PXMP2: variants seen among roughly 807,000 people sequenced by gnomAD.
PXMP2 encodes the protein 22 kDa peroxisomal membrane protein.
Under a neutral mutation model 20.2 loss-of-function variants are expected in PXMP2, and 13 were observed. The ratio of observed to expected loss-of-function variants is 0.64; its 90% confidence interval spans 0.42 to 1.02. The LOEUF is 1.02. PXMP2 is among the 50% of genes least tolerant of loss of function. The pLI, the probability that PXMP2 is intolerant of heterozygous loss-of-function variation, is 0.00. For synonymous variants in PXMP2, 113 were observed against 111.2 expected (o/e 1.02, Z -0.10); for missense variants, 284 against 251.8 (o/e 1.13, Z -0.87).
intron 3 of PXMP2, among the ~76,000 whole-genome samples, chr12:132,699,526 CTTTTT>C (rs67730658): frequency 9.9e-6 from 1 of 100,520 alleles, no homozygotes. Context: ...AAAAGACATG[CTTTTT>C]TTTTTTTTTT....
chr12:132,690,213 A>T (rs781129879), intron 1 of PXMP2, 50 bp from the exon 2 acceptor site: 4 of 1,465,626 alleles, frequency 2.7e-6, no homozygotes, highest in Non-Finnish European at 2.9e-6. Context: ...TGGGAAAGGG[A>T]CACCCTCCTG....
intron 1 of PXMP2, 100 bp from the exon 2 acceptor site, chr12:132,690,163 T>C (rs1432356390): frequency 1.1e-6 from 1 of 874,268 alleles, no homozygotes; most frequent in Non-Finnish European, 1.9e-6. Context: ...CCCCCGCCCA[T>C]CTGCTGCATG....
rs1279924791 is a variant in PXMP2 at position 132,687,685 on chromosome 12, G to A, written c.15G>A (p.Ala5=). The change falls in exon 1 of 5, where the codon GCG becomes GCA. Residue 5 remains alanine (A), a synonymous_variant. Coordinates refer to ENST00000317479, the MANE Select transcript of PXMP2 (RefSeq NM_018663.3). ...CTGGGGAGGCGATGGCGCCGGCCGC[G>A]TCCAGGCTGCGGGCCGAAGCCGGGC... MAPA[A]SRLRAEAGLG... The A allele has an allele frequency of 1.4e-5, 17 of 1,179,944 alleles. No homozygotes were observed. Among genetic ancestry groups the A allele is most frequent in the Non-Finnish European group, 1.7e-5 (16 of 959,652 alleles). 73.1% of individuals were successfully genotyped at this position (1,179,944 alleles called of 1,614,324 possible).
chr12:132,696,019 G>T lies in PXMP2; in HGVS notation c.372G>T (p.Leu124Phe). 3.1e-6 allele frequency: 5 copies of T among 1,609,066 alleles called. No individual in the cohort carries two copies. The highest frequency in any genetic ancestry group is 4.2e-6 in the Non-Finnish European group (5 of 1,177,642). Reference protein sequence around the residue: ...RLVFAPAFLMLFFLIMNFLEG... With the variant: ...RLVFAPAFLMFFFLIMNFLEG... ...TCTTTGCACCGGCCTTCCTCATGTT[G>T]TTCTTCCTCATCATGAACTTTCTGG... The change falls in exon 3 of 5, where the codon TTG (leucine) becomes TTT (phenylalanine). Residue 124 changes from leucine to phenylalanine, a missense_variant. Coordinates refer to ENST00000317479, the MANE Select transcript of PXMP2 (RefSeq NM_018663.3). The surrounding 1 kb of genome is among the most constrained non-coding windows in gnomAD (Gnocchi z 4.4).
intron 2 of PXMP2, among the ~76,000 whole-genome samples, chr12:132,694,901 TAGTG>T (rs1322004879): frequency 2.5e-4 from 37 of 148,904 alleles, no homozygotes; most frequent in Admixed American, 5.4e-4. Flanking sequence ...GCCAGTCAGT[TAGTG>T]AGCGCCCTTG....
At chr12:132,695,804 G>A (rs2043406633) in intron 2 of PXMP2, 80 bp from the exon 3 acceptor site, 1 of 1,450,818 alleles carries the variant, frequency 6.9e-7, no homozygotes, top group South Asian at 1.4e-5. Flanking sequence ...GTTAGGACCT[G>A]GGATTTGGGG....
chr12:132,703,650 GA>G (rs1326892633), intron 4 of PXMP2, among the ~76,000 whole-genome samples: 1 of 152,200 alleles, frequency 6.6e-6, no homozygotes, highest in East Asian at 1.9e-4. Context: ...ATTTTAAGGG[GA>G]TACAGGAGGG....
rs1483316346 is a variant in PXMP2 at position 132,704,689 on chromosome 12, G to A, written c.*2G>A. On this transcript the variant is annotated 3_prime_UTR_variant, in exon 5 of 5. Transcript: ENST00000317479. ...TACCTGGCCTCCTTGGGGAAGTGACGACCGCTGGGAGAACATCAGGTGCAC... is the reference window on the plus strand; with the variant it reads ...TACCTGGCCTCCTTGGGGAAGTGACAACCGCTGGGAGAACATCAGGTGCAC... 17 of 1,566,632 alleles carry A rather than the reference G, an allele frequency of 1.1e-5. No homozygotes were observed. Among genetic ancestry groups the A allele is most frequent in the Admixed American group, 3.8e-5 (2 of 52,448 alleles).
At chr12:132,690,490 C>A in intron 2 of PXMP2, 114 bp downstream of exon 2, 2 of 780,562 alleles carry the variant, frequency 2.6e-6, no homozygotes, top group Admixed American at 2.9e-5. Context: ...TTTTAAAAAC[C>A]ATTGTAGTAA....
intron 1 of PXMP2, chr12:132,688,020 G>T (rs924625205): frequency 1.8e-5 from 5 of 282,070 alleles, no homozygotes; most frequent in Non-Finnish European, 2.3e-5. Context: ...GCGCGTGGAG[G>T]GCCCGCCCAG....
intron 4 of PXMP2, 89 bp from the exon 5 acceptor site, chr12:132,704,530 G>A (rs1055478003): frequency 1.2e-5 from 13 of 1,082,712 alleles, no homozygotes; most frequent in African/African-American, 3.3e-5. Context: ...ACCAACAAAC[G>A]GGTAAACAAA....
At chr12:132,699,771 T>C (rs987443885) in intron 3 of PXMP2, among the ~76,000 whole-genome samples, 22 of 152,076 alleles carry the variant, frequency 1.4e-4, no homozygotes, top group African/African-American at 4.8e-4. Context: ...CAGTCCTCTG[T>C]TGGGGGACGT....
At chr12:132,691,327 C>G (rs1358401747) in intron 2 of PXMP2, among the ~76,000 whole-genome samples, 1 of 152,094 alleles carries the variant, frequency 6.6e-6, no homozygotes, top group Non-Finnish European at 1.5e-5. Flanking sequence ...GGATTACAGG[C>G]GCGAGCCACA....
At chr12:132,701,152 A>G (rs771583366) in intron 3 of PXMP2, 98 bp from the exon 4 acceptor site, 4 of 1,528,394 alleles carry the variant, frequency 2.6e-6, no homozygotes, top group East Asian at 2.3e-5. Flanking sequence ...ACAAAATCCA[A>G]TAGCAGTTTA....
At position 132,687,705 on chromosome 12, in the gene PXMP2, C is replaced by G. The variant is rs2043313183; in HGVS notation, c.35C>G (p.Ala12Gly). ...GCCGCGTCCAGGCTGCGGGCCGAAGCCGGGCTCGGGGCGCTGCCGCGGCGG... is the reference window on the plus strand; with the variant it reads ...GCCGCGTCCAGGCTGCGGGCCGAAGGCGGGCTCGGGGCGCTGCCGCGGCGG... The part of the protein sequence containing the change: ...APAASRLRAE[A>G]GLGALPRRAL... Residue 12 changes from alanine (A) to glycine (G), a missense_variant, in exon 1 of 5, where the codon GCC (alanine) becomes GGC (glycine). Physicochemically the swap from Ala to Gly is moderately conservative, Grantham distance 60. Coordinates refer to ENST00000317479, the MANE Select transcript of PXMP2 (RefSeq NM_018663.3). 1 of 1,195,434 alleles carries G rather than the reference C, an allele frequency of 8.4e-7. No individual in the cohort carries two copies. The highest frequency in any genetic ancestry group is 1.6e-5 in the African/African-American group (1 of 61,880). 74.1% of individuals were successfully genotyped at this position (1,195,434 alleles called of 1,614,324 possible). A position where few individuals can be genotyped will look rare whatever the true frequency, so the allele number is the denominator to read the frequency against.
intron 4 of PXMP2, among the ~76,000 whole-genome samples, chr12:132,704,326 A>C (rs1443370717): frequency 1.3e-5 from 2 of 152,112 alleles, no homozygotes; most frequent in East Asian, 3.9e-4. Flanking sequence ...CTGAACCAGG[A>C]GCTAAGGTGT....
intron 2 of PXMP2, among the ~76,000 whole-genome samples, chr12:132,691,096 G>T (rs186554492): frequency 6.8e-6 from 1 of 146,774 alleles, no homozygotes; most frequent in Non-Finnish European, 1.5e-5. Flanking sequence ...CTGCTGCCCA[G>T]ACTGGAGTGC....
At position 132,695,945 on chromosome 12, in the gene PXMP2, C is replaced by T; in HGVS notation, c.298C>T (p.Pro100Ser). ...CTTCTTCATGGAACATTGGATCCCTCCTGAGGTCCCCCTGGCAGGGCTCAG... is the reference window on the plus strand; with the variant it reads ...CTTCTTCATGGAACATTGGATCCCTTCTGAGGTCCCCCTGGCAGGGCTCAG... Reference protein sequence around the residue: ...FYFFMEHWIPPEVPLAGLRRL... With the variant: ...FYFFMEHWIPSEVPLAGLRRL... The change falls in exon 3 of 5, where the codon CCT (proline) becomes TCT (serine). Residue 100 changes from proline (P) to serine (S), a missense_variant. Physicochemically the swap from Pro to Ser is moderately conservative, Grantham distance 74. Transcript: ENST00000317479. 1 of 1,612,670 alleles carries T rather than the reference C, an allele frequency of 6.2e-7. No homozygotes were observed. Among genetic ancestry groups the T allele is most frequent in the Non-Finnish European group, 8.5e-7 (1 of 1,179,404 alleles).
chr12:132,699,483 G>A (rs1336720793), intron 3 of PXMP2, among the ~76,000 whole-genome samples: 1 of 151,364 alleles, frequency 6.6e-6, no homozygotes, highest in Non-Finnish European at 1.5e-5. Flanking sequence ...TTTCACTTGG[G>A]ATAATGGCCC....
Sources: gnomAD v4.1 joint callset for allele counts (sites outside exome capture counted in the v4.1 genomes callset) on GRCh38, gnomAD v4.1.1 for gene constraint, Gnocchi (gnomAD v3.1) non-coding constraint, MANE v1.5 for transcripts, NCBI Gene and HGNC (gene_info 2026-07-23, HGNC 2026-07-21) for gene names.